SENP8: variants seen among roughly 807,000 people sequenced by gnomAD.
SENP8 encodes sentrin-specific protease 8.
In SENP8, 10 loss-of-function variants were observed where a neutral mutation model predicts 14.4. The ratio of observed to expected loss-of-function variants is 0.69; its 90% confidence interval spans 0.43 to 1.18. The LOEUF is 1.18. Among genes scored for constraint, SENP8 ranks in the 50% most tolerant of loss-of-function variants. SENP8 has a pLI of 0.00. For synonymous variants in SENP8, 94 were observed against 95.5 expected (o/e 0.98, Z 0.09); for missense variants, 202 against 249.4 (o/e 0.81, Z 1.28).
At chr15:72,131,956 C>G (rs1485051320) in intron 1 of SENP8, among the ~76,000 whole-genome samples, 1 of 152,050 alleles carries the variant, frequency 6.6e-6, no homozygotes, top group Non-Finnish European at 1.5e-5. Flanking sequence ...TTTTTGAGAG[C>G]CTACTGTAGA....
At chr15:72,116,732 G>C (rs1447003336), upstream of SENP8, 5 of 152,206 alleles carry the variant, frequency 3.3e-5, no homozygotes, top group Non-Finnish European at 4.4e-5. Context: ...AGACGACATA[G>C]TTATATCCAC....
chr15:72,115,257 T>C (rs988130595), upstream of SENP8, among the ~76,000 whole-genome samples: 7 of 152,214 alleles, frequency 4.6e-5, no homozygotes, highest in African/African-American at 1.7e-4. Flanking sequence ...CTGTATGATT[T>C]TGCCTCCAAA....
At chr15:72,130,317 A>G (rs554193414) in intron 1 of SENP8, among the ~76,000 whole-genome samples, 2 of 152,362 alleles carry the variant, frequency 1.3e-5, no homozygotes, top group South Asian at 2.1e-4. Context: ...TACAGATTAC[A>G]TAACAGTGAT....
At chr15:72,135,066 T>TA in intron 1 of SENP8, 1 of 288,502 alleles carries the variant, frequency 3.5e-6, no homozygotes. Context: ...TTTGTTTGTT[T>TA]TTTGTTTGTT....
At chr15:72,132,635 T>G (rs2081285212) in intron 1 of SENP8, among the ~76,000 whole-genome samples, 1 of 151,024 alleles carries the variant, frequency 6.6e-6, no homozygotes, top group Non-Finnish European at 1.5e-5. Context: ...ACTGAAACCT[T>G]CAGACCATTT....
chr15:72,117,676 T>G, upstream of SENP8: 2 of 396,304 alleles, frequency 5.0e-6, no homozygotes, highest in East Asian at 7.2e-5. Context: ...TGGGCGGGTC[T>G]TACCTCGGGC....
intron 1 of SENP8, among the ~76,000 whole-genome samples, chr15:72,130,557 A>ATTTTTTTTTTTTTTTTTTTTTTTTTTTTT (rs11411490): frequency 2.8e-5 from 3 of 106,164 alleles, no homozygotes; most frequent in Non-Finnish European, 5.4e-5. Context: ...ATGTTTTAGG[A>ATTTTTTTTTTTTTTTTTTTTTTTTTTTTT]TTTTTTTTTT....
intron 1 of SENP8, among the ~76,000 whole-genome samples, chr15:72,121,619 T>C (rs2081168476): frequency 6.6e-6 from 1 of 151,016 alleles, no homozygotes; most frequent in South Asian, 2.1e-4. Flanking sequence ...TGTGGTCCCA[T>C]CTACACGGGA....
chr15:72,127,454 AG>A (rs1194759321), intron 1 of SENP8, among the ~76,000 whole-genome samples: 2 of 152,116 alleles, frequency 1.3e-5, no homozygotes. Context: ...CACCCTCAGG[AG>A]GGAAAAAGCT....
At chr15:72,122,727 T>G (rs1175702896) in intron 1 of SENP8, among the ~76,000 whole-genome samples, 1 of 152,218 alleles carries the variant, frequency 6.6e-6, no homozygotes, top group Admixed American at 6.5e-5. Flanking sequence ...TGACACCTTT[T>G]GCGGGAGGAG....
At chr15:72,133,548 T>C (rs539751679) in intron 1 of SENP8, among the ~76,000 whole-genome samples, 2 of 152,246 alleles carry the variant, frequency 1.3e-5, no homozygotes, top group Non-Finnish European at 2.9e-5. Flanking sequence ...ATCTGAGCAC[T>C]CATTCCTTTT....
chr15:72,116,368 T>G (rs1332989314), upstream of SENP8, among the ~76,000 whole-genome samples: 1 of 152,252 alleles, frequency 6.6e-6, no homozygotes, highest in Non-Finnish European at 1.5e-5. Context: ...TACTGATCAT[T>G]TGATGCAACA....
intron 1 of SENP8, among the ~76,000 whole-genome samples, chr15:72,127,268 A>C (rs1035698214): frequency 1.3e-5 from 2 of 152,160 alleles, no homozygotes; most frequent in African/African-American, 4.8e-5. Context: ...TAAACAAATA[A>C]ATTAAAAAAC....
upstream of SENP8, chr15:72,118,177 A>G (rs998448525): frequency 7.1e-5 from 26 of 364,918 alleles, no homozygotes; most frequent in Admixed American, 2.3e-4. Flanking sequence ...CCCTACTGCC[A>G]GCACGGGTCG....
At chr15:72,118,056 G>T (rs377013970), upstream of SENP8, 7 of 395,998 alleles carry the variant, frequency 1.8e-5, no homozygotes, top group African/African-American at 1.4e-4. Context: ...AACCGCCGCC[G>T]CGTCCCTTAT....
chr15:72,132,097 T>C (rs2081278597), intron 1 of SENP8, among the ~76,000 whole-genome samples: 1 of 152,110 alleles, frequency 6.6e-6, no homozygotes, highest in Non-Finnish European at 1.5e-5. Context: ...TTGCCCACGA[T>C]CACTTAAATA....
chr15:72,138,681 C>T (rs1305630820), intron 1 of SENP8, among the ~76,000 whole-genome samples: 7 of 150,336 alleles, frequency 4.7e-5, no homozygotes, highest in South Asian at 4.3e-4. Context: ...TAAAAAAATA[C>T]GCCAGGTGCG....
intron 1 of SENP8, among the ~76,000 whole-genome samples, chr15:72,120,452 G>A (rs1215298370): frequency 6.6e-6 from 1 of 152,074 alleles, no homozygotes; most frequent in East Asian, 1.9e-4. Context: ...TGATAAAGTG[G>A]GTGTGAACAG....
In SENP8 at chr15:72,138,541, G is replaced by A. The variant is rs575337869; in HGVS notation, c.-47-1036G>A. 4.0e-5 allele frequency among the ~76,000 whole-genome samples: 6 copies of A among 150,974 alleles called. No homozygotes were observed. The East Asian group carries it at 8.0e-4, about 20-fold the overall frequency. On this transcript the variant is annotated intron_variant, in intron 1 of 1. Transcript: ENST00000340912. ...ATTTTTGTATTTTTAGTAGAGATGG[G>A]GTTTCACCATGTTGGCCAGGCTGGT...
Sources: allele counts gnomAD v4.1 joint callset (sites outside exome capture counted in the v4.1 genomes callset), GRCh38; gene constraint gnomAD v4.1.1; transcripts MANE v1.5; gene names NCBI Gene and HGNC (gene_info 2026-07-23, HGNC 2026-07-21).